Variants in SLC39A11 observed in about 807,000 individuals in gnomAD.
SLC39A11 encodes zinc transporter ZIP11.
In SLC39A11, 33 loss-of-function variants were observed where a neutral mutation model predicts 36.1. The ratio of observed to expected loss-of-function variants is 0.91; its 90% CI spans 0.69 to 1.22. The LOEUF (loss-of-function observed/expected upper bound fraction) is 1.22, where lower values mean the gene tolerates loss of function less well. Ranked by LOEUF, SLC39A11 falls within the 50% of genes most tolerant of loss-of-function variation. The pLI is 0.00. For missense variants in SLC39A11, 432 were observed against 430.3 expected, an observed-to-expected ratio of 1.00 and a Z score of -0.03; for synonymous variants, 166 against 170.3, an observed-to-expected ratio of 0.97 and a Z score of 0.20.
At chr17:73,043,983 A>G (rs1237746171) in intron 3 of SLC39A11, among the ~76,000 whole-genome samples, 3 of 152,168 alleles carry the variant, frequency 2.0e-5, no homozygotes, top group African/African-American at 7.2e-5. Context: ...ATTAAACCCA[A>G]CGGCTCAAAA....
intron 6 of SLC39A11, among the ~76,000 whole-genome samples, chr17:72,778,374 C>T (rs990204934): frequency 2.6e-5 from 4 of 152,264 alleles, no homozygotes; most frequent in Non-Finnish European, 5.9e-5. Context: ...CTGCCCTCTC[C>T]TGTTCGGCCG....
chr17:72,852,839 TG>T (rs2079430989), intron 5 of SLC39A11, among the ~76,000 whole-genome samples: 1 of 152,198 alleles, frequency 6.6e-6, no homozygotes, highest in Non-Finnish European at 1.5e-5. Flanking sequence ...CCCTGAGAGC[TG>T]TCCATGAACT....
At chr17:72,770,017 G>A (rs144641782) in intron 6 of SLC39A11, among the ~76,000 whole-genome samples, 166 of 152,162 alleles carry the variant, frequency 1.1e-3, no homozygotes, top group African/African-American at 3.6e-3. Context: ...ATTGATTGGC[G>A]TCTCATGTCC....
intron 5 of SLC39A11, among the ~76,000 whole-genome samples, chr17:72,917,578 A>C (rs2083405354): frequency 6.6e-6 from 1 of 152,226 alleles, no homozygotes. Context: ...AGAAATGGAA[A>C]AAGATGGACA....
intron 7 of SLC39A11, among the ~76,000 whole-genome samples, chr17:72,674,063 G>A (rs1252973917): frequency 3.3e-5 from 5 of 151,934 alleles, no homozygotes; most frequent in Non-Finnish European, 1.5e-5. Flanking sequence ...GTGAGACTCT[G>A]TCTTTAAAAA....
intron 5 of SLC39A11, among the ~76,000 whole-genome samples, chr17:72,923,646 T>TTAGGTGACAAGGTCG (rs1301574075): frequency 6.6e-6 from 1 of 152,106 alleles, no homozygotes. Flanking sequence ...ATGTGTAGCT[T>TTAGGTGACAAGGTCG]TAGGTGACAA....
chr17:72,922,360 C>T (rs994189510), intron 5 of SLC39A11, among the ~76,000 whole-genome samples: 1 of 152,228 alleles, frequency 6.6e-6, no homozygotes, highest in Non-Finnish European at 1.5e-5. Flanking sequence ...TGATCCAGAA[C>T]ATATAGTGCT....
At chr17:72,854,882 G>A (rs972210945) in intron 5 of SLC39A11, among the ~76,000 whole-genome samples, 7 of 152,124 alleles carry the variant, frequency 4.6e-5, no homozygotes, top group Non-Finnish European at 8.8e-5. Flanking sequence ...TGATGCATCC[G>A]CTTCCCTGAT....
intron 6 of SLC39A11, among the ~76,000 whole-genome samples, chr17:72,814,565 GC>G (rs1382175193): frequency 6.6e-6 from 1 of 152,228 alleles, no homozygotes; most frequent in African/African-American, 2.4e-5. Flanking sequence ...AACTCCAGTA[GC>G]CATCAGAGGA....
intron 4 of SLC39A11, among the ~76,000 whole-genome samples, chr17:73,017,895 C>G (rs1427078340): frequency 6.6e-6 from 1 of 152,146 alleles, no homozygotes; most frequent in African/African-American, 2.4e-5. Context: ...AAGTAAAATG[C>G]TATGAGGCCT....
chr17:72,991,743 TGATA>T (rs2089196894), intron 4 of SLC39A11, among the ~76,000 whole-genome samples: 2 of 152,268 alleles, frequency 1.3e-5, no homozygotes, highest in Admixed American at 6.5e-5. Flanking sequence ...TTCTACTGAC[TGATA>T]ATGTATTCAT....
At chr17:72,784,971 T>C (rs2076457118) in intron 6 of SLC39A11, among the ~76,000 whole-genome samples, 1 of 151,914 alleles carries the variant, frequency 6.6e-6, no homozygotes, top group African/African-American at 2.4e-5. Flanking sequence ...GCGATTCTCC[T>C]GCCTCAGTCT....
intron 3 of SLC39A11, among the ~76,000 whole-genome samples, chr17:73,070,071 T>C (rs2060115482): frequency 2.6e-5 from 4 of 152,190 alleles, no homozygotes; most frequent in Admixed American, 6.5e-5. Flanking sequence ...AGACATAGTA[T>C]GTGATCCAAC....
At chr17:72,723,865 C>G (rs1234709190) in intron 7 of SLC39A11, among the ~76,000 whole-genome samples, 2 of 152,148 alleles carry the variant, frequency 1.3e-5, no homozygotes, top group African/African-American at 4.8e-5. Flanking sequence ...AGGCAAATGG[C>G]TATTAAGTTC....
chr17:72,663,052 C>T (rs2070548206), intron 7 of SLC39A11, among the ~76,000 whole-genome samples: 1 of 152,204 alleles, frequency 6.6e-6, no homozygotes, highest in Non-Finnish European at 1.5e-5. Context: ...ACGTCACAGA[C>T]ACAATTCTGA....
At chr17:72,973,835 A>G (rs529858602) in intron 4 of SLC39A11, among the ~76,000 whole-genome samples, 1 of 152,232 alleles carries the variant, frequency 6.6e-6, no homozygotes, top group South Asian at 2.1e-4. Context: ...TGCTGAGATT[A>G]AGGCATGAAC....
chr17:72,867,640 A>G (rs1203857416), intron 5 of SLC39A11, among the ~76,000 whole-genome samples: 2 of 152,180 alleles, frequency 1.3e-5, no homozygotes, highest in African/African-American at 4.8e-5. Flanking sequence ...AAAAGGAAAA[A>G]GAAAATGCAT....
At chr17:72,672,199 A>G (rs1428672898) in intron 7 of SLC39A11, among the ~76,000 whole-genome samples, 1 of 152,234 alleles carries the variant, frequency 6.6e-6, no homozygotes, top group Non-Finnish European at 1.5e-5. Context: ...CTATAATCTC[A>G]GCACTCTGGG....
At chr17:72,985,482 G>A (rs1379754365) in intron 4 of SLC39A11, among the ~76,000 whole-genome samples, 2 of 129,606 alleles carry the variant, frequency 1.5e-5, no homozygotes, top group African/African-American at 5.9e-5. Context: ...GCGCCATCTC[G>A]GCTCACTGCA....
Sources: gnomAD v4.1 joint callset for allele counts (sites outside exome capture counted in the v4.1 genomes callset) on GRCh38, gnomAD v4.1.1 for gene constraint, MANE v1.5 for transcripts, NCBI Gene and HGNC (gene_info 2026-07-23, HGNC 2026-07-21) for gene names.